MDM2: variants seen among roughly 807,000 people sequenced by gnomAD.
MDM2 encodes the protein E3 ubiquitin-protein ligase Mdm2.
MDM2 carries 11 observed loss-of-function variants against 64.3 expected under a neutral mutation model. The ratio of observed to expected loss-of-function variants is 0.17; its 90% CI spans 0.11 to 0.28. The LOEUF (loss-of-function observed/expected upper bound fraction) is 0.28, where lower values mean the gene tolerates loss of function less well. Ranked by LOEUF, MDM2 falls within the 10% of genes least tolerant of loss-of-function variation. The probability of loss-of-function intolerance (pLI) is 1.00; values close to 1 mark genes in which losing one functional copy is unlikely to be tolerated. For synonymous variants in MDM2, 194 were observed against 192.9 expected, an observed-to-expected ratio of 1.01 and a Z score of -0.05; for missense variants, 388 against 577.1, an observed-to-expected ratio of 0.67 and a Z score of 3.36.
intron 7 of MDM2, chr12:68,828,244 T>C (rs1555187106): frequency 6.6e-6 from 1 of 152,322 alleles, no homozygotes; most frequent in Non-Finnish European, 1.5e-5. Flanking sequence ...TATTTTAAAG[T>C]TTGGTTTTGA....
chr12:68,835,265 A>G (rs917957016), intron 8 of MDM2, among the ~76,000 whole-genome samples: 1 of 152,228 alleles, frequency 6.6e-6, no homozygotes, highest in African/African-American at 2.4e-5. Flanking sequence ...TTAAAGGTGG[A>G]AGAGCCTTTT....
chr12:68,808,578 G>C, intron 1 of MDM2, 87 bp downstream of exon 1: 1 of 1,586,886 alleles, frequency 6.3e-7, no homozygotes, highest in Non-Finnish European at 8.6e-7. Flanking sequence ...CTGCCCGTTC[G>C]CAGCCTTTGT....
intron 8 of MDM2, among the ~76,000 whole-genome samples, chr12:68,829,504 A>C (rs567400467): frequency 6.6e-6 from 1 of 152,320 alleles, no homozygotes; most frequent in Non-Finnish European, 1.5e-5. Flanking sequence ...GCGGTGGCTC[A>C]TGCCTGTAAT....
chr12:68,837,188 A>T lies in MDM2; in HGVS notation c.918+439A>T, dbSNP rs1883381793. Among the ~76,000 whole-genome samples the T allele has an allele frequency of 2.6e-5, 4 of 151,954 alleles. 1 individual carries two copies. The highest frequency in any genetic ancestry group is 5.9e-5 in the Non-Finnish European group (4 of 67,998). On this transcript the variant is annotated intron_variant, in intron 10 of 10. Transcript: ENST00000258149. ...AGGCTGGTCATGAACTCCTGACCTC[A>T]AGTGATCTGCCCACCTTGGTCTCTC... is the stretch of plus-strand genomic sequence containing the variant.
intron 10 of MDM2, among the ~76,000 whole-genome samples, chr12:68,839,001 TTAATG>T (rs1339849028): frequency 6.6e-6 from 1 of 152,186 alleles, no homozygotes; most frequent in African/African-American, 2.4e-5. Flanking sequence ...GTCAAGCAAA[TTAATG>T]TAATCCATTA....
At chr12:68,814,554 A>ATTT in intron 3 of MDM2, 1 of 340,016 alleles carries the variant, frequency 2.9e-6, no homozygotes, top group Non-Finnish European at 5.7e-6. Context: ...TAAGAATAGA[A>ATTT]TTTTTTTTTT....
intron 3 of MDM2, among the ~76,000 whole-genome samples, chr12:68,816,603 C>T (rs1881404515): frequency 6.6e-6 from 1 of 151,940 alleles, no homozygotes; most frequent in Non-Finnish European, 1.5e-5. Context: ...GTGATCCATC[C>T]GCTTCGGCCT....
intron 2 of MDM2, 122 bp downstream of exon 2, chr12:68,809,414 A>G (rs1450787210): frequency 1.8e-5 from 16 of 898,464 alleles, no homozygotes; most frequent in Non-Finnish European, 2.9e-5. Flanking sequence ...CATAGCTTAA[A>G]GTGTGCTACC....
intron 7 of MDM2, among the ~76,000 whole-genome samples, chr12:68,825,484 T>C (rs1274494100): frequency 6.6e-6 from 1 of 152,084 alleles, no homozygotes; most frequent in Non-Finnish European, 1.5e-5. Flanking sequence ...AAACCCCATC[T>C]CTACTAAAAA....
At chr12:68,822,045 C>T (rs866533891) in intron 5 of MDM2, among the ~76,000 whole-genome samples, 1 of 152,010 alleles carries the variant, frequency 6.6e-6, no homozygotes, top group Non-Finnish European at 1.5e-5. Flanking sequence ...TTGGTAGAGA[C>T]GGTGTTGCTA....
At chr12:68,825,827 C>G (rs1056201994) in intron 7 of MDM2, among the ~76,000 whole-genome samples, 1 of 152,096 alleles carries the variant, frequency 6.6e-6, no homozygotes, top group Non-Finnish European at 1.5e-5. Context: ...ACCAGAATCT[C>G]GTACATGCGG....
At chr12:68,836,055 A>G (rs979847450) in intron 9 of MDM2, 71 bp downstream of exon 9, 1 of 1,276,274 alleles carries the variant, frequency 7.8e-7, no homozygotes. Context: ...TGACTTTGAG[A>G]TTGAAATAAT....
intron 10 of MDM2, among the ~76,000 whole-genome samples, chr12:68,838,782 CT>C (rs1352635212): frequency 1.3e-5 from 2 of 152,094 alleles, no homozygotes. Context: ...AAACAGATAA[CT>C]TTATAGGTAC....
chr12:68,821,480 T>TAG (rs1565737211), intron 5 of MDM2, among the ~76,000 whole-genome samples: 2 of 152,154 alleles, frequency 1.3e-5, no homozygotes, highest in African/African-American at 4.8e-5. Context: ...TCCAGCACTT[T>TAG]AGGAGGCTAA....
rs1301709423 is a variant in MDM2 at position 68,839,964 on chromosome 12, TTCTTC to T, written c.*120_*124del. 4.3e-5 allele frequency: 41 copies of T among 946,258 alleles called. No homozygotes were observed. The highest frequency in any genetic ancestry group is 6.3e-5 in the Non-Finnish European group (41 of 648,132). 58.6% of individuals were successfully genotyped at this position (946,258 alleles called of 1,614,324 possible). A position where few individuals can be genotyped will look rare whatever the true frequency, so the allele number is the denominator to read the frequency against. On this transcript the variant is annotated 3_prime_UTR_variant, in exon 11 of 11. Transcript: ENST00000258149. The stretch of plus-strand genomic sequence containing the variant: ...AGAAAATGCCTCAATTCACATAGAT[TTCTTC>T]TCTTTAGTATAATTGACCTACTTTG...
intron 1 of MDM2, 48 bp downstream of exon 1, chr12:68,808,539 G>T: frequency 6.2e-7 from 1 of 1,613,008 alleles, no homozygotes. Flanking sequence ...GGCTCTGACG[G>T]TGTCCCCTCT....
At chr12:68,809,804 G>C (rs1310098024) in intron 2 of MDM2, among the ~76,000 whole-genome samples, 1 of 152,164 alleles carries the variant, frequency 6.6e-6, no homozygotes, top group African/African-American at 2.4e-5. Flanking sequence ...AGATGAAACT[G>C]TAGTTGTTCT....
chr12:68,830,862 G>A (rs1377012443), intron 8 of MDM2, among the ~76,000 whole-genome samples: 3 of 151,992 alleles, frequency 2.0e-5, no homozygotes, highest in Non-Finnish European at 4.4e-5. Flanking sequence ...CACCACACCT[G>A]GCTAATTTTT....
At chr12:68,836,829 A>G (rs1883346683) in intron 10 of MDM2, 80 bp downstream of exon 10, 1 of 827,378 alleles carries the variant, frequency 1.2e-6, no homozygotes, top group Non-Finnish European at 2.0e-6. Context: ...CTTCTTTCTG[A>G]AATGAACTGA....
Sources: gnomAD v4.1 joint callset for allele counts (sites outside exome capture counted in the v4.1 genomes callset) on GRCh38, gnomAD v4.1.1 for gene constraint, MANE v1.5 for transcripts, NCBI Gene and HGNC (gene_info 2026-07-23, HGNC 2026-07-21) for gene names.